The following TVP23A variants were observed in gnomAD, a reference collection of about 807,000 sequenced individuals.
The protein encoded by TVP23A is trans-golgi network vesicle protein 23 homolog A, also known as Golgi apparatus membrane protein TVP23 homolog A.
In TVP23A, 21 loss-of-function variants were observed where a neutral mutation model predicts 31.7. The ratio of observed to expected loss-of-function variants is 0.66; its 90% CI spans 0.47 to 0.95. The LOEUF is 0.95. TVP23A is among the 40% of genes least tolerant of loss of function. The pLI, the probability that TVP23A is intolerant of heterozygous loss-of-function variation, is 0.00. For missense variants in TVP23A, 279 were observed against 255.6 expected (o/e 1.09, Z -0.62); for synonymous variants, 104 against 96.0 (o/e 1.08, Z -0.49).
intron 2 of TVP23A, among the ~76,000 whole-genome samples, chr16:10,805,305 T>C: frequency 6.6e-6 from 1 of 152,106 alleles, no homozygotes. Context: ...GTGCTGGGAT[T>C]ACAGGTGTGA....
At chr16:10,787,268 G>T (rs2032818679) in intron 2 of TVP23A, among the ~76,000 whole-genome samples, 1 of 152,112 alleles carries the variant, frequency 6.6e-6, no homozygotes, top group African/African-American at 2.4e-5. Context: ...CCTCTGTAAG[G>T]TTTTCCTTTT....
chr16:10,767,897 C>G lies in TVP23A; in HGVS notation c.*1205G>C. The G allele has an allele frequency of 6.6e-7, 1 of 1,521,758 alleles. No homozygotes were observed. The highest frequency in any genetic ancestry group is 1.1e-5 in the South Asian group (1 of 89,166). The allele number at this position is 1,521,758 out of a possible 1,614,324, so 94.3% of individuals were successfully genotyped here. A position where few individuals can be genotyped will look rare whatever the true frequency, so the allele number is the denominator to read the frequency against. ...GGAAAGAGCCCCAAGATCTTGTGGC[C>G]ATTCTGTTTTCCTCTTGGACTGAAT... On this transcript the variant is annotated 3_prime_UTR_variant, in exon 8 of 8. Transcript: ENST00000299866. This position sits in a 1 kb window ranked among gnomAD's most constrained non-coding sequence, Gnocchi z 4.6.
At chr16:10,790,966 C>G (rs1273456180) in intron 2 of TVP23A, among the ~76,000 whole-genome samples, 4 of 152,108 alleles carry the variant, frequency 2.6e-5, no homozygotes, top group Admixed American at 2.6e-4. Flanking sequence ...CCCACCTCTT[C>G]CCATCATGGC....
chr16:10,773,365 A>T lies in TVP23A; in HGVS notation c.401T>A (p.Ile134Lys). Residue 134 changes from isoleucine (I) to lysine (K), a missense_variant, in exon 5 of 8, where the codon ATA becomes AAA. Coordinates refer to ENST00000299866, the MANE Select transcript of TVP23A (RefSeq NM_001079512.4). ...GGTGCTAAAAAAAAACACAATCCAT[A>T]TCATGGGGCAGATTATGAGGCCCAG... ...FWLGLIICPM[I>K]WIVFFFSTLF... 1.1e-5 allele frequency: 17 copies of T among 1,612,086 alleles called. No individual in the cohort carries two copies. Among genetic ancestry groups the T allele is most frequent in the Non-Finnish European group, 1.3e-5 (15 of 1,179,496 alleles).
rs2031351982 is a variant in TVP23A, at chr16:10,769,263, T to TGAG, written c.*1-163_*1-162insCTC. The TGAG allele has an allele frequency of 4.9e-6, 3 of 616,694 alleles. No individual in the cohort carries two copies. In the African/African-American group the frequency reaches 5.6e-5, roughly 11 times the overall value. 38.2% of individuals were successfully genotyped at this position (616,694 alleles called of 1,614,324 possible). A position where few individuals can be genotyped will look rare whatever the true frequency, so the allele number is the denominator to read the frequency against. The stretch of plus-strand genomic sequence containing the variant: ...CACTTTCTCAGAGACACTTTAATCA[T>TGAG]TGAGTATTTGTACACTTTTCTTTAG... On this transcript the variant is annotated intron_variant, in intron 7 of 7. Transcript: ENST00000299866.
At chr16:10,817,267 C>A (rs945743345) in intron 2 of TVP23A, among the ~76,000 whole-genome samples, 11 of 152,194 alleles carry the variant, frequency 7.2e-5, no homozygotes, top group African/African-American at 2.2e-4. Flanking sequence ...CAGTCTATTA[C>A]TTTCTGGGGT....
At chr16:10,812,002 G>A (rs1216329337) in intron 2 of TVP23A, among the ~76,000 whole-genome samples, 1 of 151,060 alleles carries the variant, frequency 6.6e-6, no homozygotes, top group East Asian at 1.9e-4. Context: ...GAATGAAAAG[G>A]CAGCCTATAG....
intron 7 of TVP23A, 164 bp from the exon 8 acceptor site, chr16:10,769,265 G>A: frequency 3.2e-6 from 2 of 615,614 alleles, no homozygotes; most frequent in Non-Finnish European, 5.8e-6. Flanking sequence ...TTTAATCATT[G>A]AGTATTTGTA....
intron 2 of TVP23A, among the ~76,000 whole-genome samples, chr16:10,815,038 T>C (rs1326055642): frequency 6.6e-6 from 1 of 152,172 alleles, no homozygotes; most frequent in Non-Finnish European, 1.5e-5. Context: ...CCAGCTTAGC[T>C]GGTACCTCCT....
chr16:10,763,622 T>C (rs117481739), downstream of TVP23A: 5,760 of 152,412 alleles, frequency 0.038, 145 homozygotes, highest in Non-Finnish European at 0.058. Context: ...CTGGAGGCAG[T>C]TGGGCTGCAT....
At chr16:10,784,457 G>C (rs978297598) in intron 2 of TVP23A, among the ~76,000 whole-genome samples, 1 of 151,286 alleles carries the variant, frequency 6.6e-6, no homozygotes, top group Non-Finnish European at 1.5e-5. Context: ...GCTACTTGGA[G>C]TGCTAAGGTG....
chr16:10,771,854 T>G lies in TVP23A; in HGVS notation c.454-56A>C. The G allele has an allele frequency of 2.0e-6, 3 of 1,537,928 alleles. No homozygotes were observed. In the South Asian group the frequency reaches 3.6e-5, roughly 18 times the overall value. ...TTTTTTTTGAGACAGAGTTTCGCTC[T>G]GTCGCCCAGGCTGGGGTGCAGAGGC... On this transcript the variant is annotated intron_variant, in intron 5 of 7. Coordinates refer to ENST00000299866, the MANE Select transcript of TVP23A (RefSeq NM_001079512.4).
At chr16:10,787,974 G>A (rs1324648290) in intron 2 of TVP23A, among the ~76,000 whole-genome samples, 1 of 152,170 alleles carries the variant, frequency 6.6e-6, no homozygotes, top group Non-Finnish European at 1.5e-5. Flanking sequence ...TTAATCCTGA[G>A]CCAAATATGA....
chr16:10,794,381 C>A (rs1426727071), intron 2 of TVP23A, among the ~76,000 whole-genome samples: 1 of 152,154 alleles, frequency 6.6e-6, no homozygotes, highest in African/African-American at 2.4e-5. Context: ...GGATTAGGGG[C>A]CTGCCCTACT....
At chr16:10,761,334 C>T in exon 9 of TVP23A, 2 of 1,599,042 alleles carry the variant, frequency 1.3e-6, no homozygotes, top group Non-Finnish European at 1.7e-6. Context: ...CACTTTGATG[C>T]TGGAATCACT....
chr16:10,767,612 C>T lies in TVP23A; in HGVS notation c.*1490G>A. 2 of 437,344 alleles carry T rather than the reference C, an allele frequency of 4.6e-6. No homozygotes were observed. Among genetic ancestry groups the T allele is most frequent in the Non-Finnish European group, 8.0e-6 (2 of 248,734 alleles). 27.1% of individuals were successfully genotyped at this position (437,344 alleles called of 1,614,324 possible). ...TTTTGCATTCTGTACTTTTTTTAAC[C>T]ATGTGCATTCATGATCCTTTCACTC... On this transcript the variant is annotated 3_prime_UTR_variant, in exon 8 of 8. Coordinates refer to ENST00000299866, the MANE Select transcript of TVP23A (RefSeq NM_001079512.4). This position sits in a 1 kb window ranked among gnomAD's most constrained non-coding sequence, Gnocchi z 4.6.
chr16:10,816,518 G>C (rs1299686783), intron 2 of TVP23A, among the ~76,000 whole-genome samples: 1 of 151,940 alleles, frequency 6.6e-6, no homozygotes, highest in East Asian at 1.9e-4. Context: ...ATTTTTTGTA[G>C]AAACAGGGTT....
chr16:10,773,548 G>A (rs2031780833), intron 4 of TVP23A, 107 bp from the exon 5 acceptor site: 2 of 1,363,766 alleles, frequency 1.5e-6, no homozygotes, highest in East Asian at 2.4e-5. Flanking sequence ...GTTGCTGTGG[G>A]ATTTTTTGTT....
chr16:10,774,060 G>C lies in TVP23A; in HGVS notation c.303C>G (p.His101Gln), dbSNP rs943998278. ...WNQIDEDGKS[H>Q]WIFEARKVSP... Reference sequence around the variant, plus strand: ...ATACCTTCCTGGCTTCAAAGATCCAGTGGCTCTTCCCATCTTCATCTATCT... The same window carrying C: ...ATACCTTCCTGGCTTCAAAGATCCACTGGCTCTTCCCATCTTCATCTATCT... Residue 101 changes from histidine to glutamine, a missense_variant, in exon 4 of 8, where the codon CAC (histidine) becomes CAG (glutamine). Coordinates refer to ENST00000299866, the MANE Select transcript of TVP23A (RefSeq NM_001079512.4). 1 of 1,611,896 alleles carries C rather than the reference G, an allele frequency of 6.2e-7. No individual in the cohort carries two copies. Among genetic ancestry groups the C allele is most frequent in the East Asian group, 2.2e-5 (1 of 44,868 alleles).
Sources: allele counts gnomAD v4.1 joint callset (sites outside exome capture counted in the v4.1 genomes callset), GRCh38; gene constraint gnomAD v4.1.1; non-coding constraint Gnocchi (gnomAD v3.1); transcripts MANE v1.5; gene names NCBI Gene and HGNC (gene_info 2026-07-23, HGNC 2026-07-21).